The following IL1RAPL1 variants were observed in gnomAD, a reference collection of about 807,000 sequenced individuals.
The protein encoded by IL1RAPL1 is interleukin-1 receptor accessory protein-like 1.
Under a neutral mutation model 48.4 loss-of-function variants are expected in IL1RAPL1, and 3 were observed. The observed-to-expected ratio is 0.06, with a 90% CI of 0.03 to 0.16. The LOEUF (loss-of-function observed/expected upper bound fraction) is 0.16. Among genes scored for constraint, IL1RAPL1 ranks in the 10% least tolerant of loss-of-function variants. The pLI, the probability that IL1RAPL1 is intolerant of heterozygous loss-of-function variation, is 1.00. For missense variants in IL1RAPL1, 349 were observed against 530.6 expected, an observed-to-expected ratio of 0.66 and a Z score of 3.36; for synonymous variants, 185 against 187.7, an observed-to-expected ratio of 0.99 and a Z score of 0.12.
chrX:29,926,550 CA>C (rs1347953400), intron 8 of IL1RAPL1, among the ~76,000 whole-genome samples: 2 of 112,099 alleles, frequency 1.8e-5, no homozygotes, highest in African/African-American at 6.5e-5. Flanking sequence ...TTACATGCTT[CA>C]AAGTACCAAA....
intron 1 of IL1RAPL1, among the ~76,000 whole-genome samples, chrX:28,744,585 C>T (rs1305529730): frequency 9.0e-6 from 1 of 111,450 alleles, no homozygotes; most frequent in Non-Finnish European, 1.9e-5. Context: ...TGTGTCTATA[C>T]TCAAAATGCC....
At chrX:29,358,043 T>G (rs1387452585) in intron 3 of IL1RAPL1, among the ~76,000 whole-genome samples, 1 of 111,508 alleles carries the variant, frequency 9.0e-6, no homozygotes, top group Non-Finnish European at 1.9e-5. Context: ...CCCTCTGAAA[T>G]GAGGGTATTC....
At chrX:29,531,659 C>A (rs1921044296) in intron 5 of IL1RAPL1, among the ~76,000 whole-genome samples, 1 of 111,950 alleles carries the variant, frequency 8.9e-6, no homozygotes, top group South Asian at 3.8e-4. Flanking sequence ...GAAATGTATT[C>A]TCACAGTTTT....
At position 28,712,445 on chromosome X, in the gene IL1RAPL1, G is replaced by A. The variant is rs1366320579; in HGVS notation, c.-24-76875G>A. 2.7e-5 allele frequency among the ~76,000 whole-genome samples: 3 copies of A among 110,958 alleles called. No homozygotes were observed. In the East Asian group the frequency reaches 8.5e-4, roughly 31 times the overall value. On this transcript the variant is annotated intron_variant, in intron 1 of 10. Coordinates refer to ENST00000378993, the MANE Select transcript of IL1RAPL1 (RefSeq NM_014271.4). ...TGACAACCTGTGATGGACATACAGT[G>A]TGAACAAGAAATTAACTTTTTTTGT...
chrX:29,041,486 C>T (rs1385492983), intron 2 of IL1RAPL1, among the ~76,000 whole-genome samples: 1 of 111,787 alleles, frequency 8.9e-6, no homozygotes, highest in East Asian at 2.8e-4. Context: ...TACAAGCAAC[C>T]GAGCAGAAAA....
intron 5 of IL1RAPL1, among the ~76,000 whole-genome samples, chrX:29,550,058 A>G (rs1396254590): frequency 1.8e-5 from 2 of 112,086 alleles, no homozygotes; most frequent in African/African-American, 6.5e-5. Context: ...AGTGTCAAAA[A>G]ATTCTCATGA....
chrX:29,543,147 C>CTCTCTCTCTCTCTCTG (rs1921499287), intron 5 of IL1RAPL1, among the ~76,000 whole-genome samples: 1 of 108,771 alleles, frequency 9.2e-6, no homozygotes, highest in African/African-American at 3.4e-5. Context: ...CTCTCTCTCT[C>CTCTCTCTCTCTCTCTG]TCAGCATTTA....
At chrX:28,913,997 C>G (rs762430909) in intron 2 of IL1RAPL1, among the ~76,000 whole-genome samples, 10 of 111,328 alleles carry the variant, frequency 9.0e-5, no homozygotes, top group Non-Finnish European at 1.5e-4. Context: ...ATACTGAGAA[C>G]TTGGAAATAC....
chrX:29,083,937 G>A (rs1927897337), intron 2 of IL1RAPL1, among the ~76,000 whole-genome samples: 1 of 111,430 alleles, frequency 9.0e-6, no homozygotes, highest in African/African-American at 3.3e-5. Flanking sequence ...AGAAAGAAAA[G>A]AGACCAGACA....
chrX:29,725,707 A>G lies in IL1RAPL1; in HGVS notation c.778+57203A>G, dbSNP rs72625539. Among the ~76,000 whole-genome samples the G allele has an allele frequency of 6.1e-3, 685 of 111,767 alleles. 33 individuals carry two copies. The East Asian group carries it at 0.14, about 22-fold the overall frequency. Reference sequence around the variant, plus strand: ...TAGCTAGAACTCAACATTCCTAAAGATGTGTGTGTGTATGAGTGTGTATAT... The same window carrying G: ...TAGCTAGAACTCAACATTCCTAAAGGTGTGTGTGTGTATGAGTGTGTATAT... On this transcript the variant is annotated intron_variant, in intron 6 of 10. Coordinates refer to ENST00000378993, the MANE Select transcript of IL1RAPL1 (RefSeq NM_014271.4).
At position 29,675,319 on chromosome X, in the gene IL1RAPL1, G is replaced by A. The variant is rs778801068; in HGVS notation, c.778+6815G>A. On this transcript the variant is annotated intron_variant, in intron 6 of 10. Coordinates refer to ENST00000378993, the MANE Select transcript of IL1RAPL1 (RefSeq NM_014271.4). ...CACTTACTTTCCAAAAGGGCCAGAA[G>A]GGAAAGAAGAAGAAAGAAAAGGCCC... Among the ~76,000 whole-genome samples, 393 of 112,087 alleles carry A rather than the reference G, an allele frequency of 3.5e-3. 1 individual carries two copies. Among genetic ancestry groups the A allele is most frequent in the Non-Finnish European group, 6.0e-3 (322 of 53,234 alleles).
At chrX:29,936,518 A>AACACACACACACAC (rs55890071) in intron 8 of IL1RAPL1, among the ~76,000 whole-genome samples, 7 of 93,477 alleles carry the variant, frequency 7.5e-5, no homozygotes, top group African/African-American at 1.9e-4. Context: ...TATATATAGG[A>AACACACACACACAC]ACACACACAC....
intron 2 of IL1RAPL1, among the ~76,000 whole-genome samples, chrX:28,944,024 A>G (rs1924232150): frequency 9.0e-6 from 1 of 111,018 alleles, no homozygotes; most frequent in Non-Finnish European, 1.9e-5. Context: ...ACTCATGTGG[A>G]CGTATTTTGT....
chrX:28,940,350 C>T (rs1484028517), intron 2 of IL1RAPL1, among the ~76,000 whole-genome samples: 1 of 110,864 alleles, frequency 9.0e-6, no homozygotes, highest in Admixed American at 9.6e-5. Context: ...AGCATTTGGC[C>T]AAAGGATCTT....
chrX:28,621,979 C>A (rs1032773514), intron 1 of IL1RAPL1, among the ~76,000 whole-genome samples: 1 of 111,082 alleles, frequency 9.0e-6, no homozygotes, highest in African/African-American at 3.3e-5. Context: ...AGATCCCTAT[C>A]CCATACTCCC....
At chrX:28,764,802 AAC>A (rs1171099652) in intron 1 of IL1RAPL1, among the ~76,000 whole-genome samples, 1 of 109,022 alleles carries the variant, frequency 9.2e-6, no homozygotes, top group African/African-American at 3.4e-5. Context: ...TTTGAATATA[AAC>A]ACACATGCAC....
At chrX:28,768,838 A>G (rs767604774) in intron 1 of IL1RAPL1, among the ~76,000 whole-genome samples, 2,155 of 94,485 alleles carry the variant, frequency 0.023, 71 homozygotes, top group African/African-American at 0.077. Context: ...ATATATATAT[A>G]TATATATATA....
At chrX:29,732,683 T>A (rs752603921) in intron 6 of IL1RAPL1, among the ~76,000 whole-genome samples, 1 of 112,370 alleles carries the variant, frequency 8.9e-6, no homozygotes, top group Non-Finnish European at 1.9e-5. Flanking sequence ...AGTGATGTTA[T>A]CATATTTTTC....
Position 29,562,017 on chromosome X carries a change from T to C in IL1RAPL1, c.704-106413T>C, listed in dbSNP as rs140208690. ...TATGAATTCTTTTTATTTTTATATTTTCTTTTTCTTTTTCAATTCTATCTA... is the reference window on the plus strand; with the variant it reads ...TATGAATTCTTTTTATTTTTATATTCTCTTTTTCTTTTTCAATTCTATCTA... On this transcript the variant is annotated intron_variant, in intron 5 of 10. Transcript: ENST00000378993. Among the ~76,000 whole-genome samples, 977 of 106,999 alleles carry C rather than the reference T, an allele frequency of 9.1e-3. 13 individuals are homozygous for C. Among genetic ancestry groups the C allele is most frequent in the African/African-American group, 0.031 (925 of 29,533 alleles). The allele number at this position is 106,999 out of a possible 115,157, so 92.9% of individuals were successfully genotyped here.
Sources: gnomAD v4.1 joint callset for allele counts (sites outside exome capture counted in the v4.1 genomes callset) on GRCh38, gnomAD v4.1.1 for gene constraint, MANE v1.5 for transcripts, NCBI Gene and HGNC (gene_info 2026-07-23, HGNC 2026-07-21) for gene names.